Variants in SRFBP1 observed in about 807,000 individuals in gnomAD.
SRFBP1 encodes the protein serum response factor-binding protein 1.
SRFBP1 carries 47 observed loss-of-function variants against 45.5 expected under a neutral mutation model. The ratio of observed to expected loss-of-function variants is 1.03; its 90% CI spans 0.82 to 1.32. The LOEUF (loss-of-function observed/expected upper bound fraction) is 1.32, where lower values mean the gene tolerates loss of function less well. Among genes scored for constraint, SRFBP1 ranks in the 40% most tolerant of loss-of-function variants. SRFBP1 has a pLI of 0.00. For missense variants in SRFBP1, 621 were observed against 484.6 expected, an observed-to-expected ratio of 1.28 and a Z score of -2.64; for synonymous variants, 203 against 166.3, an observed-to-expected ratio of 1.22 and a Z score of -1.70.
chr5:122,033,126 T>A (rs185310172), downstream of SRFBP1, among the ~76,000 whole-genome samples: 22 of 151,810 alleles, frequency 1.4e-4, no homozygotes, highest in Admixed American at 1.4e-3. Flanking sequence ...TGTATCAATT[T>A]TTTGAATTTT....
chr5:122,058,004 G>C (rs759011221), intron 2 of SRFBP1, among the ~76,000 whole-genome samples: 1 of 152,226 alleles, frequency 6.6e-6, no homozygotes, highest in East Asian at 1.9e-4. Context: ...CTTAAGAGAA[G>C]TTCCTCAAAG....
chr5:122,048,292 A>G (rs184992267), intron 2 of SRFBP1, among the ~76,000 whole-genome samples: 9 of 152,292 alleles, frequency 5.9e-5, no homozygotes, highest in Admixed American at 2.0e-4. Flanking sequence ...TTCTGCATCT[A>G]TTGAGATAAT....
rs569590218 is a variant in SRFBP1, at chr5:122,018,737, A to G, written c.271-523A>G. 7.2e-5 allele frequency among the ~76,000 whole-genome samples: 11 copies of G among 152,290 alleles called. No homozygotes were observed. In the East Asian group the frequency reaches 2.1e-3, roughly 29 times the overall value. On this transcript the variant is annotated intron_variant, in intron 4 of 7. Coordinates refer to ENST00000339397, the MANE Select transcript of SRFBP1 (RefSeq NM_152546.3). The stretch of plus-strand genomic sequence containing the variant: ...TATAAATATATTGAATACTGTATAT[A>G]ATGTTCCCATTCAGTCTAGGCCCTG...
chr5:122,021,855 T>G lies in SRFBP1; in HGVS notation c.1068-515T>G, dbSNP rs117072296. Among the ~76,000 whole-genome samples the G allele has an allele frequency of 2.2e-3, 330 of 151,650 alleles. 6 individuals carry two copies. In the East Asian group the frequency reaches 0.047, roughly 22 times the overall value. ...CCACGCCCGGCTAATTTTTGTTTTTTTTTTGTTTTGTTTTGTTTTCTAGTA... is the reference window on the plus strand; with the variant it reads ...CCACGCCCGGCTAATTTTTGTTTTTGTTTTGTTTTGTTTTGTTTTCTAGTA... On this transcript the variant is annotated intron_variant, in intron 6 of 7. Transcript: ENST00000339397.
chr5:122,069,601 T>A (rs1754394148), intron 2 of SRFBP1, among the ~76,000 whole-genome samples: 1 of 152,156 alleles, frequency 6.6e-6, no homozygotes, highest in Non-Finnish European at 1.5e-5. Flanking sequence ...ACATCTTGAT[T>A]TGTACAGACC....
intron 4 of SRFBP1, among the ~76,000 whole-genome samples, chr5:121,995,764 A>G (rs1455345028): frequency 4.3e-4 from 65 of 152,062 alleles, no homozygotes; most frequent in Middle Eastern, 3.4e-3. Context: ...ATAGACCGCT[A>G]GCAAGACTAA....
chr5:121,991,552 G>A (rs1195828773), intron 3 of SRFBP1, among the ~76,000 whole-genome samples: 1 of 152,218 alleles, frequency 6.6e-6, no homozygotes, highest in African/African-American at 2.4e-5. Flanking sequence ...TGCTATCTGT[G>A]CAATTGTAAT....
intron 1 of SRFBP1, among the ~76,000 whole-genome samples, chr5:121,968,399 T>G (rs1752118266): frequency 6.6e-6 from 1 of 152,078 alleles, no homozygotes; most frequent in Non-Finnish European, 1.5e-5. Context: ...TTATGAGTTA[T>G]TTATATTTGG....
chr5:121,996,841 A>G (rs1366428948), intron 4 of SRFBP1, among the ~76,000 whole-genome samples: 25 of 145,092 alleles, frequency 1.7e-4, no homozygotes, highest in Non-Finnish European at 3.0e-5. Context: ...TCAATGTACA[A>G]AAATCACAAG....
chr5:122,011,710 CATA>C (rs1222146546), intron 4 of SRFBP1, among the ~76,000 whole-genome samples: 3 of 151,936 alleles, frequency 2.0e-5, no homozygotes, highest in African/African-American at 7.3e-5. Flanking sequence ...AGTGTCTTCA[CATA>C]ATAATAAGAG....
intron 4 of SRFBP1, among the ~76,000 whole-genome samples, chr5:122,011,519 AATTT>A (rs1302987228): frequency 6.6e-6 from 1 of 152,138 alleles, no homozygotes; most frequent in Non-Finnish European, 1.5e-5. Flanking sequence ...CTTCAAAATA[AATTT>A]ATTTAAGATG....
intron 3 of SRFBP1, among the ~76,000 whole-genome samples, chr5:121,993,010 C>T (rs1359166607): frequency 6.6e-6 from 1 of 152,076 alleles, no homozygotes; most frequent in African/African-American, 2.4e-5. Context: ...CTGTATTTGG[C>T]TAACTTGTTA....
chr5:122,070,074 G>A, intron 2 of SRFBP1: 1 of 1,611,344 alleles, frequency 6.2e-7, no homozygotes, highest in Non-Finnish European at 8.5e-7. Flanking sequence ...GCAGCCTGAG[G>A]CATACGCATG....
intron 1 of SRFBP1, 67 bp from the exon 2 acceptor site, chr5:121,974,129 T>C: frequency 9.0e-7 from 1 of 1,115,908 alleles, no homozygotes; most frequent in Non-Finnish European, 1.3e-6. Flanking sequence ...ATATTAAGAC[T>C]CAAAATAAAG....
intron 3 of SRFBP1, among the ~76,000 whole-genome samples, chr5:121,988,173 A>C (rs1022979083): frequency 2.0e-5 from 3 of 152,206 alleles, no homozygotes; most frequent in Non-Finnish European, 2.9e-5. Context: ...AGGAATTCAA[A>C]CAAATTTTAA....
intron 4 of SRFBP1, among the ~76,000 whole-genome samples, chr5:121,998,655 T>TA (rs1302857313): frequency 2.4e-5 from 1 of 42,170 alleles, no homozygotes; most frequent in Admixed American, 3.9e-4. Context: ...CCCTAAAACT[T>TA]AAAGTATAAA....
At chr5:121,997,965 G>C (rs1053410992) in intron 4 of SRFBP1, among the ~76,000 whole-genome samples, 12 of 151,080 alleles carry the variant, frequency 7.9e-5, no homozygotes, top group Admixed American at 5.9e-4. Flanking sequence ...ACCACTATGA[G>C]ATACCATCTC....
chr5:122,008,933 G>T (rs1384621268), intron 4 of SRFBP1, among the ~76,000 whole-genome samples: 1 of 152,042 alleles, frequency 6.6e-6, no homozygotes, highest in Non-Finnish European at 1.5e-5. Flanking sequence ...GGGAGCTCTG[G>T]CTAGGAACCA....
chr5:122,052,919 C>CT lies in SRFBP1; in HGVS notation n.312-22386dup, dbSNP rs572265649. Among the ~76,000 whole-genome samples, 264 of 148,536 alleles carry CT rather than the reference C, an allele frequency of 1.8e-3. 3 individuals carry two copies. Among genetic ancestry groups the CT allele is most frequent in the South Asian group, 0.015 (70 of 4,640 alleles). On this transcript the variant is annotated intron_variant and non_coding_transcript_variant, in intron 2 of 2. Transcript: ENST00000504881. ...GCTGTCCTTTCGATGGATTTTTTTG[C>CT]TTTTTTTTTTCTTTGATTCCCTTGG...
Sources: gnomAD v4.1 joint callset for allele counts (sites outside exome capture counted in the v4.1 genomes callset) on GRCh38, gnomAD v4.1.1 for gene constraint, MANE v1.5 for transcripts, NCBI Gene and HGNC (gene_info 2026-07-23, HGNC 2026-07-21) for gene names.